Variants in MYO1E observed in about 807,000 individuals in gnomAD.
The protein encoded by MYO1E is unconventional myosin-Ie.
MYO1E carries 68 observed loss-of-function variants against 151.1 expected under a neutral mutation model. That is an observed-to-expected ratio of 0.45 (90% CI 0.37 to 0.55). MYO1E has a LOEUF of 0.55. Among genes scored for constraint, MYO1E ranks in the 20% least tolerant of loss-of-function variants. MYO1E has a pLI of 0.00. For missense variants in MYO1E, 1,363 were observed against 1,389.3 expected, an observed-to-expected ratio of 0.98 and a Z score of 0.30; for synonymous variants, 601 against 501.7, an observed-to-expected ratio of 1.20 and a Z score of -2.64.
rs114465181 is a variant in MYO1E at position 59,252,478 on chromosome 15, G to A, written c.332+3806C>T. On this transcript the variant is annotated intron_variant, in intron 4 of 27. Transcript: ENST00000288235. ...GCCTGTAATCCTAGCAATTTGGGAG[G>A]CTAAGACAGGCGGATTACCTGAGGT... Among the ~76,000 whole-genome samples, 904 of 152,304 alleles carry A rather than the reference G, an allele frequency of 5.9e-3. 8 individuals are homozygous for A. The highest frequency in any genetic ancestry group is 0.021 in the African/African-American group (867 of 41,554).
At chr15:59,269,812 C>A (rs2080278821) in intron 2 of MYO1E, among the ~76,000 whole-genome samples, 1 of 151,322 alleles carries the variant, frequency 6.6e-6, no homozygotes, top group Admixed American at 6.6e-5. Context: ...AAGATTTCGC[C>A]AACTGCACTT....
chr15:59,153,509 C>T (rs1396303262), intron 26 of MYO1E, 81 bp downstream of exon 26: 48 of 1,450,672 alleles, frequency 3.3e-5, no homozygotes, highest in Non-Finnish European at 4.6e-5. Context: ...GTATTGACAG[C>T]CCACAGGAAT....
rs1386992631 is a variant in MYO1E at position 59,191,305 on chromosome 15, T to C, written c.1806-3089A>G. 5.1e-5 allele frequency among the ~76,000 whole-genome samples: 7 copies of C among 138,134 alleles called. No homozygotes were observed. In the East Asian group the frequency reaches 1.2e-3, roughly 24 times the overall value. 90.6% of individuals were successfully genotyped at this position (138,134 alleles called of 152,430 possible). Reference sequence around the variant, plus strand: ...CCCGTCTGTACTAAATATCCACCTTTGCCCATATAAGTCAGACAGACAGAG... The same window carrying C: ...CCCGTCTGTACTAAATATCCACCTTCGCCCATATAAGTCAGACAGACAGAG... On this transcript the variant is annotated intron_variant, in intron 17 of 27. Transcript: ENST00000288235.
At chr15:59,245,938 T>C (rs1326574192) in intron 4 of MYO1E, among the ~76,000 whole-genome samples, 3 of 152,192 alleles carry the variant, frequency 2.0e-5, no homozygotes, top group Non-Finnish European at 4.4e-5. Context: ...TTTGCAGAGA[T>C]GTCTCTTGAC....
intron 1 of MYO1E, among the ~76,000 whole-genome samples, chr15:59,327,394 G>A (rs1315746900): frequency 1.3e-5 from 2 of 151,062 alleles, no homozygotes; most frequent in Non-Finnish European, 2.9e-5. Flanking sequence ...TGCCAGCCTC[G>A]ACCTCCCAGG....
At chr15:59,197,579 C>A (rs1417749616) in intron 16 of MYO1E, among the ~76,000 whole-genome samples, 1 of 152,134 alleles carries the variant, frequency 6.6e-6, no homozygotes, top group African/African-American at 2.4e-5. Context: ...AAAGCTGGGC[C>A]TTAAAGAAAC....
At chr15:59,272,714 A>G (rs942369070) in intron 1 of MYO1E, among the ~76,000 whole-genome samples, 1 of 152,182 alleles carries the variant, frequency 6.6e-6, no homozygotes, top group Non-Finnish European at 1.5e-5. Flanking sequence ...GTAAAATGGG[A>G]GACAGACCCA....
chr15:59,344,259 T>A (rs571191146), intron 1 of MYO1E, among the ~76,000 whole-genome samples: 21 of 152,350 alleles, frequency 1.4e-4, no homozygotes, highest in African/African-American at 4.8e-4. Flanking sequence ...AACACTGTAG[T>A]TCTTGCGGAC....
chr15:59,203,384 C>CTTT lies in MYO1E; in HGVS notation c.1617-980_1617-978dup, dbSNP rs71119440. ...AGGCTCTGCCGGCTGAATATACTTT[C>CTTT]TTTTTTTTTTTTTTGAGATGGAGTC... On this transcript the variant is annotated intron_variant, in intron 15 of 27. Coordinates refer to ENST00000288235, the MANE Select transcript of MYO1E (RefSeq NM_004998.4). Among the ~76,000 whole-genome samples the CTTT allele has an allele frequency of 3.5e-5, 5 of 144,436 alleles. 1 individual carries two copies. The highest frequency in any genetic ancestry group is 2.2e-4 in the South Asian group (1 of 4,540). 94.8% of individuals were successfully genotyped at this position (144,436 alleles called of 152,430 possible).
At chr15:59,150,586 T>A (rs1330822226) in intron 26 of MYO1E, among the ~76,000 whole-genome samples, 2 of 152,204 alleles carry the variant, frequency 1.3e-5, no homozygotes, top group African/African-American at 4.8e-5. Context: ...GGCATCAAAC[T>A]GGGCCTAGGT....
intron 1 of MYO1E, among the ~76,000 whole-genome samples, chr15:59,337,290 T>C (rs2080734958): frequency 1.3e-5 from 2 of 152,216 alleles, no homozygotes; most frequent in African/African-American, 4.8e-5. Flanking sequence ...ACTACAGGTA[T>C]GAAAACAAAA....
intron 24 of MYO1E, among the ~76,000 whole-genome samples, chr15:59,160,753 T>A (rs531659769): frequency 7.9e-5 from 12 of 151,892 alleles, no homozygotes; most frequent in Admixed American, 6.6e-4. Flanking sequence ...TAGAGGATGA[T>A]GTTGGTATTG....
chr15:59,244,299 T>C (rs1337833154), intron 4 of MYO1E, among the ~76,000 whole-genome samples: 1 of 152,252 alleles, frequency 6.6e-6, no homozygotes, highest in Non-Finnish European at 1.5e-5. Flanking sequence ...ATGTTGAGTA[T>C]GAAGACCAAG....
intron 1 of MYO1E, among the ~76,000 whole-genome samples, chr15:59,322,573 T>C (rs765817604): frequency 9.2e-5 from 14 of 152,186 alleles, no homozygotes; most frequent in East Asian, 1.9e-4. Flanking sequence ...TTACCTAGCA[T>C]GTGTAAGAAG....
intron 4 of MYO1E, among the ~76,000 whole-genome samples, chr15:59,241,039 G>A (rs1035156940): frequency 6.6e-6 from 1 of 152,190 alleles, no homozygotes; most frequent in African/African-American, 2.4e-5. Flanking sequence ...AGCTATCCCT[G>A]ATCAGAAGAT....
At chr15:59,249,206 G>C (rs535393623) in intron 4 of MYO1E, among the ~76,000 whole-genome samples, 2 of 152,056 alleles carry the variant, frequency 1.3e-5, no homozygotes, top group South Asian at 4.2e-4. Flanking sequence ...GGTGGATCAC[G>C]AGATCAAGAG....
chr15:59,354,151 G>T (rs1386600815), intron 1 of MYO1E, among the ~76,000 whole-genome samples: 1 of 152,156 alleles, frequency 6.6e-6, no homozygotes, highest in African/African-American at 2.4e-5. Flanking sequence ...GTTGAAAAAA[G>T]TTCTCTGAAT....
At chr15:59,334,943 C>A (rs1051387502) in intron 1 of MYO1E, among the ~76,000 whole-genome samples, 27 of 152,178 alleles carry the variant, frequency 1.8e-4, no homozygotes, top group African/African-American at 6.0e-4. Context: ...AGAGAATTGC[C>A]AAGCAGACAA....
chr15:59,153,821 G>C (rs1458329189), intron 25 of MYO1E, 30 bp from the exon 26 acceptor site: 13 of 1,597,616 alleles, frequency 8.1e-6, no homozygotes, highest in Admixed American at 3.3e-5. Context: ...AGGAAATAAG[G>C]CTCAGATTTT....
Sources: gnomAD v4.1 joint callset for allele counts (sites outside exome capture counted in the v4.1 genomes callset) on GRCh38, gnomAD v4.1.1 for gene constraint, MANE v1.5 for transcripts, NCBI Gene and HGNC (gene_info 2026-07-23, HGNC 2026-07-21) for gene names.